MTX3: variants seen among roughly 807,000 people sequenced by gnomAD.
MTX3 encodes metaxin-3.
Under a neutral mutation model 42.5 loss-of-function variants are expected in MTX3, and 27 were observed. That is an observed-to-expected ratio of 0.64 (90% CI 0.47 to 0.88). MTX3 has a LOEUF of 0.88. Among genes scored for constraint, MTX3 ranks in the 40% least tolerant of loss-of-function variants. The probability of loss-of-function intolerance (pLI) is 0.00; values close to 1 mark genes in which losing one functional copy is unlikely to be tolerated. For synonymous variants in MTX3, 144 were observed against 132.9 expected (o/e 1.08, Z -0.57); for missense variants, 378 against 367.0 (o/e 1.03, Z -0.25).
At chr5:79,985,280 C>T (rs987291370) in intron 8 of MTX3, among the ~76,000 whole-genome samples, 6 of 152,188 alleles carry the variant, frequency 3.9e-5, no homozygotes, top group Non-Finnish European at 8.8e-5. Flanking sequence ...CGCGCCCGGC[C>T]GCTTTGTTTT....
chr5:79,986,230 A>C (rs1403306683), intron 7 of MTX3, among the ~76,000 whole-genome samples: 1 of 152,228 alleles, frequency 6.6e-6, no homozygotes, highest in Non-Finnish European at 1.5e-5. Context: ...AACACGGTTG[A>C]ACATTACTTA....
intron 6 of MTX3, 62 bp from the exon 7 acceptor site, chr5:79,987,169 G>A: frequency 2.0e-6 from 3 of 1,492,668 alleles, no homozygotes; most frequent in South Asian, 1.2e-5. Context: ...GCCGGGTGTG[G>A]TGGCTCATGC....
rs185864611 is a variant in MTX3, at chr5:79,987,483, G to A, written c.582-376C>T. Among the ~76,000 whole-genome samples the A allele has an allele frequency of 2.0e-3, 303 of 148,068 alleles. 3 individuals carry two copies. Among genetic ancestry groups the A allele is most frequent in the African/African-American group, 7.3e-3 (295 of 40,246 alleles). Reference sequence around the variant, plus strand: ...AAAATTAAATTAAGGATTTTTTTAAGCACATAAGAAAATACTAACTTGGGA... The same window carrying A: ...AAAATTAAATTAAGGATTTTTTTAAACACATAAGAAAATACTAACTTGGGA... On this transcript the variant is annotated intron_variant, in intron 6 of 8. Transcript: ENST00000512528.
chr5:79,983,753 C>T lies in MTX3; in HGVS notation c.870G>A (p.Arg290=). The change falls in exon 9 of 9, where the codon CGG becomes CGA. Residue 290 remains arginine (R), a synonymous_variant. Coordinates refer to ENST00000512528, the MANE Select transcript of MTX3 (RefSeq NM_001363818.2). ...NLRQSPQLPP[R]KLPTLKLTPA... ...GAGTCAATTTAAGTGTTGGCAGTTT[C>T]CGAGGAGGAAGCTGAGGGCTTTGGC... The T allele has an allele frequency of 6.2e-7, 1 of 1,613,872 alleles. No individual in the cohort carries two copies.
chr5:79,985,895 A>G (rs561670248), intron 7 of MTX3, among the ~76,000 whole-genome samples: 2 of 151,692 alleles, frequency 1.3e-5, no homozygotes, highest in East Asian at 1.9e-4. Context: ...ACTGCTAACC[A>G]AGTGTTCTGC....
chr5:79,989,280 T>C, intron 3 of MTX3, 36 bp from the exon 4 acceptor site: 2 of 1,357,960 alleles, frequency 1.5e-6, no homozygotes, highest in Non-Finnish European at 2.0e-6. Flanking sequence ...AACTCAGAAG[T>C]CAAAGAGCAG....
intron 8 of MTX3, among the ~76,000 whole-genome samples, chr5:79,984,350 T>A (rs1357624746): frequency 6.6e-6 from 1 of 152,184 alleles, no homozygotes; most frequent in Non-Finnish European, 1.5e-5. Flanking sequence ...CTTCTTTACC[T>A]CAATGAAAAT....
Position 79,983,008 on chromosome 5 carries a change from C to T in MTX3, c.*676G>A, listed in dbSNP as rs1432761985. 6.5e-6 allele frequency: 1 copy of T among 154,058 alleles called. No individual in the cohort carries two copies. Among genetic ancestry groups the T allele is most frequent in the African/African-American group, 2.4e-5 (1 of 41,446 alleles). The allele number at this position is 154,058 out of a possible 1,614,324, so 9.5% of individuals were successfully genotyped here. A position where few individuals can be genotyped will look rare whatever the true frequency, so the allele number is the denominator to read the frequency against. On this transcript the variant is annotated 3_prime_UTR_variant, in exon 9 of 9. Transcript: ENST00000512528. ...TAAAAGAACTCTTCCTAACCTATAT[C>T]GAACACATCAGCAAAGACCAATGTT... is the stretch of plus-strand genomic sequence containing the variant.
At chr5:79,985,272 C>T (rs1233467526) in intron 8 of MTX3, among the ~76,000 whole-genome samples, 2 of 152,106 alleles carry the variant, frequency 1.3e-5, no homozygotes, top group South Asian at 2.1e-4. Context: ...TGACCCACCG[C>T]GCCCGGCCGC....
rs1831552345 is a variant in MTX3, at chr5:79,988,554, G to A, written c.412C>T (p.Leu138=). The A allele has an allele frequency of 6.2e-7, 1 of 1,610,922 alleles. No individual in the cohort carries two copies. The highest frequency in any genetic ancestry group is 1.7e-5 in the Admixed American group (1 of 59,640). The change falls in exon 5 of 9, where the codon CTG becomes TTG. Residue 138 remains leucine (L), a synonymous_variant. Coordinates refer to ENST00000512528, the MANE Select transcript of MTX3 (RefSeq NM_001363818.2). ...SQIPFPLSLI[L]PGRMSKGALN... is the part of the protein sequence containing the mutation. Reference sequence around the variant, plus strand: ...GCTCCCTTAGACATTCTTCCAGGCAGGATCAAACTCAAAGGAAAAGGAATT... The same window carrying A: ...GCTCCCTTAGACATTCTTCCAGGCAAGATCAAACTCAAAGGAAAAGGAATT...
rs1297572001 is a variant in MTX3, at chr5:79,982,302, T to C, written c.*1382A>G. ...ACTCTTGTATAAATAACTACCTAAATACAGAACAAATTGGGAGGATGTGGG... is the reference window on the plus strand; with the variant it reads ...ACTCTTGTATAAATAACTACCTAAACACAGAACAAATTGGGAGGATGTGGG... On this transcript the variant is annotated 3_prime_UTR_variant, in exon 9 of 9. Transcript: ENST00000512528. 2.3e-6 allele frequency: 1 copy of C among 429,956 alleles called. No individual in the cohort carries two copies. Among genetic ancestry groups the C allele is most frequent in the African/African-American group, 2.1e-5 (1 of 48,778 alleles). 26.6% of individuals were successfully genotyped at this position (429,956 alleles called of 1,614,324 possible).
chr5:79,987,169 G>T, intron 6 of MTX3, 62 bp from the exon 7 acceptor site: 1 of 1,492,668 alleles, frequency 6.7e-7, no homozygotes, highest in African/African-American at 1.4e-5. Flanking sequence ...GCCGGGTGTG[G>T]TGGCTCATGC....
rs115109236 is a variant in MTX3, at chr5:79,984,989, T to G, written c.828+582A>C. Among the ~76,000 whole-genome samples, 884 of 152,242 alleles carry G rather than the reference T, an allele frequency of 5.8e-3. 12 individuals are homozygous for G. The highest frequency in any genetic ancestry group is 0.02 in the African/African-American group (841 of 41,522). On this transcript the variant is annotated intron_variant, in intron 8 of 8. Coordinates refer to ENST00000512528, the MANE Select transcript of MTX3 (RefSeq NM_001363818.2). Reference sequence around the variant, plus strand: ...AGAAGTGTTTTTGCTTTGTTTTTTTTTGTGTTTTTTCTGATGGAGTCTCGC... The same window carrying G: ...AGAAGTGTTTTTGCTTTGTTTTTTTGTGTGTTTTTTCTGATGGAGTCTCGC...
At position 79,977,620 on chromosome 5, in the gene MTX3, T is replaced by C. The variant is rs1476107196; in HGVS notation, c.*6064A>G. ...TTACACACGATTAGTAATCTGGTTTTAGACTCTGAAGTGATACCAAACATA... is the reference window on the plus strand; with the variant it reads ...TTACACACGATTAGTAATCTGGTTTCAGACTCTGAAGTGATACCAAACATA... On this transcript the variant is annotated 3_prime_UTR_variant, in exon 9 of 9. Coordinates refer to ENST00000512528, the MANE Select transcript of MTX3 (RefSeq NM_001363818.2). The C allele has an allele frequency of 1.3e-5, 2 of 152,250 alleles. No individual in the cohort carries two copies. Among genetic ancestry groups the C allele is most frequent in the African/African-American group, 4.8e-5 (2 of 41,464 alleles). 9.4% of individuals were successfully genotyped at this position (152,250 alleles called of 1,614,324 possible).
At chr5:79,990,448 T>C in intron 2 of MTX3, 146 bp downstream of exon 2, 1 of 689,434 alleles carries the variant, frequency 1.5e-6, no homozygotes, top group Non-Finnish European at 2.4e-6. Flanking sequence ...GAGGTATTAC[T>C]CAGAATGATC....
intron 1 of MTX3, 130 bp from the exon 2 acceptor site, chr5:79,990,793 G>A (rs781268387): frequency 5.5e-5 from 43 of 779,214 alleles, no homozygotes; most frequent in Non-Finnish European, 9.7e-5. Flanking sequence ...CCCTCCCCGT[G>A]ATCTCAAGTA....
rs1831387967 is a variant in MTX3 at position 79,982,176 on chromosome 5, G to C, written c.*1508C>G. On this transcript the variant is annotated 3_prime_UTR_variant, in exon 9 of 9. Coordinates refer to ENST00000512528, the MANE Select transcript of MTX3 (RefSeq NM_001363818.2). ...TGTAGAAGTAATGTGCAACTCATGA[G>C]GTACTTTCCCTCATCCAAACAGATG... The C allele has an allele frequency of 3.7e-6, 1 of 271,020 alleles. No individual in the cohort carries two copies. Among genetic ancestry groups the C allele is most frequent in the Non-Finnish European group, 7.4e-6 (1 of 136,008 alleles). The allele number at this position is 271,020 out of a possible 1,614,324, so 16.8% of individuals were successfully genotyped here. A position where few individuals can be genotyped will look rare whatever the true frequency, so the allele number is the denominator to read the frequency against.
rs1311002089 is a variant in MTX3 at position 79,979,737 on chromosome 5, G to GA, written c.*3946dup. On this transcript the variant is annotated 3_prime_UTR_variant, in exon 9 of 9. Coordinates refer to ENST00000512528, the MANE Select transcript of MTX3 (RefSeq NM_001363818.2). ...ATCACAGCATTTTTGACTTCCTAGG[G>GA]AAAAGGAGTTTTTGGTTTTAGGGTT... is the stretch of plus-strand genomic sequence containing the variant. 6.6e-6 allele frequency: 1 copy of GA among 151,206 alleles called. No individual in the cohort carries two copies. The highest frequency in any genetic ancestry group is 1.5e-5 in the Non-Finnish European group (1 of 67,830). 9.4% of individuals were successfully genotyped at this position (151,206 alleles called of 1,614,324 possible).
chr5:79,984,849 A>C (rs1354447014), intron 8 of MTX3, among the ~76,000 whole-genome samples: 1 of 152,256 alleles, frequency 6.6e-6, no homozygotes, highest in Non-Finnish European at 1.5e-5. Flanking sequence ...GGAGAAAAAA[A>C]TAAAACTTTC....
Sources: gnomAD v4.1 joint callset for allele counts (sites outside exome capture counted in the v4.1 genomes callset) on GRCh38, gnomAD v4.1.1 for gene constraint, MANE v1.5 for transcripts, NCBI Gene and HGNC (gene_info 2026-07-23, HGNC 2026-07-21) for gene names.